The following CLSTN2 variants were observed in gnomAD, a reference collection of about 807,000 sequenced individuals.
CLSTN2 encodes calsyntenin 2, also known as calsyntenin-2.
Under a neutral mutation model 101.2 loss-of-function variants are expected in CLSTN2, and 48 were observed. That is an observed-to-expected ratio of 0.47 (90% CI 0.38 to 0.60). CLSTN2 has a LOEUF of 0.60. Among genes scored for constraint, CLSTN2 ranks in the 20% least tolerant of loss-of-function variants. CLSTN2 has a pLI of 0.00. For missense variants in CLSTN2, 1,160 were observed against 1,238.2 expected, an observed-to-expected ratio of 0.94 and a Z score of 0.95; for synonymous variants, 481 against 463.6, an observed-to-expected ratio of 1.04 and a Z score of -0.48.
At chr3:139,969,083 C>G (rs1935650676) in intron 1 of CLSTN2, among the ~76,000 whole-genome samples, 1 of 152,100 alleles carries the variant, frequency 6.6e-6, no homozygotes, top group Non-Finnish European at 1.5e-5. Flanking sequence ...TGTTCACATG[C>G]ATTATCTCAT....
chr3:140,110,871 T>G (rs1031356323), intron 1 of CLSTN2, among the ~76,000 whole-genome samples: 1 of 152,146 alleles, frequency 6.6e-6, no homozygotes, highest in African/African-American at 2.4e-5. Flanking sequence ...TAGACCAAGA[T>G]GGGACTTGCA....
At chr3:140,305,907 C>T (rs1274782571) in intron 2 of CLSTN2, among the ~76,000 whole-genome samples, 1 of 152,016 alleles carries the variant, frequency 6.6e-6, no homozygotes, top group Non-Finnish European at 1.5e-5. Flanking sequence ...TTATTCTTCC[C>T]TGTCTTTCCA....
chr3:140,349,622 A>T (rs987373781), intron 2 of CLSTN2, among the ~76,000 whole-genome samples: 8 of 152,186 alleles, frequency 5.3e-5, no homozygotes, highest in African/African-American at 1.9e-4. Context: ...GAATCGCCAG[A>T]TCTAAAATCT....
chr3:139,997,795 G>A (rs2107746043), intron 1 of CLSTN2, among the ~76,000 whole-genome samples: 1 of 152,012 alleles, frequency 6.6e-6, no homozygotes, highest in Non-Finnish European at 1.5e-5. Context: ...TCAATTTGTA[G>A]AGCCTCTTGA....
At chr3:140,198,518 C>G (rs1011723995) in intron 2 of CLSTN2, among the ~76,000 whole-genome samples, 4 of 152,260 alleles carry the variant, frequency 2.6e-5, no homozygotes, top group African/African-American at 9.6e-5. Context: ...TCTTTATTGT[C>G]CTAGGGTAAG....
chr3:140,560,214 A>C (rs1935882502), intron 12 of CLSTN2, among the ~76,000 whole-genome samples: 1 of 152,220 alleles, frequency 6.6e-6, no homozygotes, highest in Admixed American at 6.5e-5. Flanking sequence ...AATGGTCATT[A>C]CTATGGATAT....
chr3:140,170,289 ATAAAT>A (rs2010192179), intron 1 of CLSTN2, among the ~76,000 whole-genome samples: 1 of 152,222 alleles, frequency 6.6e-6, no homozygotes, highest in African/African-American at 2.4e-5. Context: ...TCGAATTAAC[ATAAAT>A]TAAGTTATTG....
intron 9 of CLSTN2, among the ~76,000 whole-genome samples, chr3:140,538,748 A>G (rs1935408824): frequency 6.6e-6 from 1 of 152,226 alleles, no homozygotes; most frequent in Non-Finnish European, 1.5e-5. Flanking sequence ...AAAGAGGCAC[A>G]TGCTAGCAGA....
intron 2 of CLSTN2, among the ~76,000 whole-genome samples, chr3:140,387,564 C>T (rs2088066846): frequency 6.6e-6 from 1 of 152,180 alleles, no homozygotes; most frequent in Non-Finnish European, 1.5e-5. Context: ...CAACTGGGTC[C>T]CTGATGTTCT....
rs1483233928 is a variant in CLSTN2, at chr3:140,575,597, G to A, written c.*9344G>A. ...AGGAGGTTGAAGAAAACCAGTTGGT[G>A]AGTATAGAAAAGAAATTGCATGTAG... On this transcript the variant is annotated 3_prime_UTR_variant, in exon 17 of 17. Transcript: ENST00000458420. 6.6e-6 allele frequency: 1 copy of A among 152,202 alleles called. No homozygotes were observed. Among genetic ancestry groups the A allele is most frequent in the Non-Finnish European group, 1.5e-5 (1 of 68,050 alleles). 9.4% of individuals were successfully genotyped at this position (152,202 alleles called of 1,614,324 possible). A position where few individuals can be genotyped will look rare whatever the true frequency, so the allele number is the denominator to read the frequency against.
chr3:140,250,386 T>A (rs927916525), intron 2 of CLSTN2, among the ~76,000 whole-genome samples: 2 of 152,310 alleles, frequency 1.3e-5, no homozygotes, highest in South Asian at 4.1e-4. Flanking sequence ...GGCTTGAGAA[T>A]AAACTGGGAG....
intron 2 of CLSTN2, among the ~76,000 whole-genome samples, chr3:140,321,466 C>G (rs1413671725): frequency 1.3e-5 from 2 of 152,182 alleles, no homozygotes; most frequent in East Asian, 3.9e-4. Context: ...TTCTTCTCCC[C>G]TTGCTCCCTA....
chr3:140,061,297 G>T (rs566814525), intron 1 of CLSTN2, among the ~76,000 whole-genome samples: 2 of 152,280 alleles, frequency 1.3e-5, no homozygotes, highest in South Asian at 4.1e-4. Flanking sequence ...AGCATTAGTT[G>T]GTTTCTAACA....
chr3:140,528,450 T>G (rs1005405289), intron 8 of CLSTN2, among the ~76,000 whole-genome samples: 2 of 152,232 alleles, frequency 1.3e-5, no homozygotes, highest in Non-Finnish European at 2.9e-5. Context: ...TGCACAAATC[T>G]GTGCTGGATA....
intron 8 of CLSTN2, among the ~76,000 whole-genome samples, chr3:140,518,022 T>G (rs1027742385): frequency 1.3e-5 from 2 of 152,194 alleles, no homozygotes. Context: ...GATGGGGTTG[T>G]TCTCAGGGGA....
At chr3:139,957,357 G>T (rs1935426149) in intron 1 of CLSTN2, among the ~76,000 whole-genome samples, 1 of 152,142 alleles carries the variant, frequency 6.6e-6, no homozygotes, top group African/African-American at 2.4e-5. Flanking sequence ...CCCAACTGGT[G>T]CAGAGAGATC....
At chr3:139,968,294 C>T (rs1396394587) in intron 1 of CLSTN2, among the ~76,000 whole-genome samples, 1 of 152,154 alleles carries the variant, frequency 6.6e-6, no homozygotes, top group African/African-American at 2.4e-5. Flanking sequence ...GAGGATTGGT[C>T]TTCAAACCTG....
intron 1 of CLSTN2, among the ~76,000 whole-genome samples, chr3:140,089,021 C>T (rs1198597864): frequency 6.6e-6 from 1 of 152,018 alleles, no homozygotes; most frequent in Non-Finnish European, 1.5e-5. Flanking sequence ...AAAAAAAGCA[C>T]AAACATTAAA....
At position 140,152,013 on chromosome 3, in the gene CLSTN2, C is replaced by A. The variant is rs550033463; in HGVS notation, c.110-23938C>A. On this transcript the variant is annotated intron_variant, in intron 1 of 16. Coordinates refer to ENST00000458420, the MANE Select transcript of CLSTN2 (RefSeq NM_022131.3). ...TCAGATTATAATTTAAGACCCAGCTCTGGCCCAGCCCCTGGCTCCTGAAAG... is the reference window on the plus strand; with the variant it reads ...TCAGATTATAATTTAAGACCCAGCTATGGCCCAGCCCCTGGCTCCTGAAAG... Among the ~76,000 whole-genome samples, 9 of 152,336 alleles carry A rather than the reference C, an allele frequency of 5.9e-5. No individual in the cohort carries two copies. In the South Asian group the frequency reaches 1.9e-3, roughly 32 times the overall value.
Sources: allele counts gnomAD v4.1 joint callset (sites outside exome capture counted in the v4.1 genomes callset), GRCh38; gene constraint gnomAD v4.1.1; transcripts MANE v1.5; gene names NCBI Gene and HGNC (gene_info 2026-07-23, HGNC 2026-07-21).